Variants in BMAL2 observed in about 807,000 individuals in gnomAD.
BMAL2 encodes basic helix-loop-helix ARNT like 2.
At chr12:27,363,053 C>T in the BMAL2 span, among the ~76,000 whole-genome samples, 2 of 152,208 alleles carry the variant, frequency 1.3e-5, no homozygotes, top group African/African-American at 4.8e-5. Flanking sequence ...GATCCTCTTA[C>T]CTTGGCCTTC....
the BMAL2 span, chr12:27,400,649 C>T: frequency 3.3e-5 from 54 of 1,613,828 alleles, no homozygotes; most frequent in Middle Eastern, 1.6e-4. Context: ...ATTTTACCTG[C>T]CTTGTGGCCA....
chr12:27,387,267 G>A, the BMAL2 span: 1 of 1,612,432 alleles, frequency 6.2e-7, no homozygotes, highest in Non-Finnish European at 8.5e-7. Flanking sequence ...ATGTGAAAGA[G>A]GAAAAATTCT....
the BMAL2 span, chr12:27,333,199 C>T: frequency 1.7e-6 from 2 of 1,161,588 alleles, no homozygotes; most frequent in South Asian, 4.3e-5. Context: ...CCCCCGCTGC[C>T]CCGAGGGAAG....
chr12:27,393,304 A>G, the BMAL2 span, among the ~76,000 whole-genome samples: 1 of 152,210 alleles, frequency 6.6e-6, no homozygotes, highest in Non-Finnish European at 1.5e-5. Flanking sequence ...ATTTTAAATT[A>G]TACCTTTAGA....
At chr12:27,372,106 C>T in the BMAL2 span, among the ~76,000 whole-genome samples, 1 of 152,116 alleles carries the variant, frequency 6.6e-6, no homozygotes. Flanking sequence ...CGGCATGCGC[C>T]TGTAGTCCCA....
the BMAL2 span, chr12:27,421,765 AAGTCACACATTAAATTC>A: frequency 6.6e-6 from 1 of 152,188 alleles, no homozygotes; most frequent in Non-Finnish European, 1.5e-5. Flanking sequence ...GTCTTGTGTA[AAGTCACACATTAAATTC>A]AGTCACACAT....
the BMAL2 span, among the ~76,000 whole-genome samples, chr12:27,336,732 C>T: frequency 6.6e-6 from 1 of 152,062 alleles, no homozygotes; most frequent in Non-Finnish European, 1.5e-5. Flanking sequence ...AGGTGGATCA[C>T]CTGAGGTCAG....
the BMAL2 span, among the ~76,000 whole-genome samples, chr12:27,418,840 G>A: frequency 2.0e-5 from 3 of 151,876 alleles, no homozygotes; most frequent in Admixed American, 6.6e-5. Context: ...TTAGCTGGGC[G>A]TAGTGGCAGG....
chr12:27,412,641 G>A, the BMAL2 span, among the ~76,000 whole-genome samples: 3 of 152,006 alleles, frequency 2.0e-5, no homozygotes, highest in Non-Finnish European at 1.5e-5. Flanking sequence ...ATGTACACAT[G>A]TGTGTGTCCC....
chr12:27,380,334 C>T, the BMAL2 span: 2 of 1,614,132 alleles, frequency 1.2e-6, no homozygotes, highest in Non-Finnish European at 1.7e-6. Flanking sequence ...CTCAGTGCAA[C>T]CCCATGGCGC....
the BMAL2 span, among the ~76,000 whole-genome samples, chr12:27,365,078 C>CA: frequency 6.6e-6 from 1 of 152,016 alleles, no homozygotes; most frequent in Non-Finnish European, 1.5e-5. Context: ...CCAATAAGAG[C>CA]AAAACAATTT....
the BMAL2 span, chr12:27,380,283 T>A: frequency 5.9e-5 from 95 of 1,614,128 alleles, no homozygotes; most frequent in African/African-American, 1.1e-3. Flanking sequence ...GGAGGAGAGA[T>A]AAAATGAATA....
the BMAL2 span, chr12:27,370,251 G>A: frequency 6.4e-7 from 1 of 1,560,140 alleles, no homozygotes; most frequent in East Asian, 2.2e-5. Flanking sequence ...GACTGTCTTT[G>A]ACATACTCTC....
chr12:27,380,046 ACCAAGGG>A, the BMAL2 span, among the ~76,000 whole-genome samples: 1 of 152,128 alleles, frequency 6.6e-6, no homozygotes, highest in South Asian at 2.1e-4. Flanking sequence ...GGAGGGACTG[ACCAAGGG>A]CAGCGAGTTT....
the BMAL2 span, among the ~76,000 whole-genome samples, chr12:27,363,074 T>C: frequency 3.9e-5 from 6 of 152,196 alleles, no homozygotes; most frequent in African/African-American, 1.4e-4. Context: ...CAAGTCTTCA[T>C]GCTGGGATTA....
chr12:27,421,926 G>A, the BMAL2 span: 1 of 152,064 alleles, frequency 6.6e-6, no homozygotes, highest in African/African-American at 2.4e-5. Flanking sequence ...TAAGTAATTA[G>A]GCAATTACAG....
chr12:27,413,682 T>C, the BMAL2 span, among the ~76,000 whole-genome samples: 3,108 of 152,284 alleles, frequency 0.02, 111 homozygotes, highest in African/African-American at 0.071. Flanking sequence ...TGGATTAAAT[T>C]ATTCAATCAA....
chr12:27,392,457 A>G, the BMAL2 span, among the ~76,000 whole-genome samples: 1 of 147,926 alleles, frequency 6.8e-6, no homozygotes, highest in South Asian at 2.1e-4. Context: ...TAGTCATACC[A>G]TAGCGACCAG....
chr12:27,361,994 T>A, the BMAL2 span, among the ~76,000 whole-genome samples: 3 of 151,574 alleles, frequency 2.0e-5, no homozygotes, highest in East Asian at 5.8e-4. Flanking sequence ...GATAGAAACA[T>A]GTGAAGATCA....
Sources: allele counts gnomAD v4.1 joint callset (sites outside exome capture counted in the v4.1 genomes callset), GRCh38; gene constraint gnomAD v4.1.1; transcripts MANE v1.5; gene names NCBI Gene and HGNC (gene_info 2026-07-23, HGNC 2026-07-21).